Variants in STRIP1 observed in about 807,000 individuals in gnomAD.
The protein encoded by STRIP1 is striatin-interacting protein 1.
STRIP1 carries 63 observed loss-of-function variants against 106.2 expected under a neutral mutation model. The ratio of observed to expected loss-of-function variants is 0.59; its 90% confidence interval spans 0.48 to 0.73. The LOEUF (loss-of-function observed/expected upper bound fraction) is 0.73. Among genes scored for constraint, STRIP1 ranks in the 30% least tolerant of loss-of-function variants. STRIP1 has a pLI of 0.00. For synonymous variants in STRIP1, 390 were observed against 413.0 expected (o/e 0.94, Z 0.67); for missense variants, 857 against 1,074.8 (o/e 0.80, Z 2.83).
intron 17 of STRIP1, 191 bp downstream of exon 17, chr1:110,049,751 T>G (rs531613313): frequency 1.4e-5 from 8 of 560,994 alleles, no homozygotes; most frequent in Non-Finnish European, 2.5e-5. Context: ...GTCTAGCTAG[T>G]CCTGCCCCAG....
rs112456881 is a variant in STRIP1, at chr1:110,043,821, T to C, written c.1251T>C (p.Thr417=). The part of the protein sequence containing the change: ...PLQHPQTDRL[T]CPKGLPWAPK... ...AGCACCCACAGACTGACAGGCTGAC[T>C]TGCCCCAAAGGGCTCCCGTGGGCTC... Residue 417 remains threonine, a synonymous_variant, in exon 10 of 21, where the codon ACT becomes ACC. Coordinates refer to ENST00000369795, the MANE Select transcript of STRIP1 (RefSeq NM_033088.4). 8,741 of 1,614,108 alleles carry C rather than the reference T, an allele frequency of 5.4e-3. 33 individuals carry two copies. The highest frequency in any genetic ancestry group is 6.9e-3 in the Non-Finnish European group (8,101 of 1,180,018).
rs1241486915 is a variant in STRIP1, at chr1:110,049,689, G to T, written c.1889+129G>T. The T allele has an allele frequency of 6.2e-6, 4 of 648,686 alleles. No homozygotes were observed. The East Asian group carries it at 8.2e-5, about 13-fold the overall frequency. 40.2% of individuals were successfully genotyped at this position (648,686 alleles called of 1,614,324 possible). ...ACTGTGCTAGGCATCAAGACATAAA[G>T]ATAAATGAGACATGGCCTCTGCCTG... On this transcript the variant is annotated intron_variant, in intron 17 of 20. Coordinates refer to ENST00000369795, the MANE Select transcript of STRIP1 (RefSeq NM_033088.4).
intron 5 of STRIP1, among the ~76,000 whole-genome samples, chr1:110,040,105 G>C (rs777432898): frequency 2.6e-5 from 4 of 152,218 alleles, no homozygotes; most frequent in Non-Finnish European, 5.9e-5. Context: ...AAACTAAGGC[G>C]CAGTTAGAGC....
chr1:110,040,585 A>T, intron 5 of STRIP1, 50 bp from the exon 6 acceptor site: 3 of 1,550,814 alleles, frequency 1.9e-6, no homozygotes. Flanking sequence ...CAGGGACATC[A>T]CTTATCTTCC....
At chr1:110,039,557 G>T in intron 5 of STRIP1, 42 bp downstream of exon 5, 2 of 1,569,736 alleles carry the variant, frequency 1.3e-6, no homozygotes, top group South Asian at 1.2e-5. Flanking sequence ...GGGAGGCTGG[G>T]ATGGGAAGGG....
chr1:110,044,975 T>G, intron 11 of STRIP1, 40 bp from the exon 12 acceptor site: 1 of 1,613,774 alleles, frequency 6.2e-7, no homozygotes, highest in Middle Eastern at 1.7e-4. Flanking sequence ...CCAGGTGATT[T>G]GATGTCGAGG....
At chr1:110,050,064 C>G in intron 17 of STRIP1, 1 of 461,142 alleles carries the variant, frequency 2.2e-6, no homozygotes, top group Non-Finnish European at 3.9e-6. Flanking sequence ...TCTCCTCCCC[C>G]GCCCCACATT....
upstream of STRIP1, among the ~76,000 whole-genome samples, chr1:110,033,224 A>C (rs1652274766): frequency 1.3e-5 from 2 of 150,874 alleles, no homozygotes; most frequent in African/African-American, 2.4e-5. Flanking sequence ...GCCTCCACCA[A>C]CCCCTGCCCC....
Position 110,051,668 on chromosome 1 carries a change from T to C in STRIP1, c.2062-15T>C. On this transcript the variant is annotated splice_polypyrimidine_tract_variant and intron_variant, in intron 19 of 20. Transcript: ENST00000369795. ...TTGTCTTCAACTTGGGCTGCTTGCT[T>C]GTTTCCCTTCCCAGATGCTGGTGGT... 1 of 1,587,854 alleles carries C rather than the reference T, an allele frequency of 6.3e-7. No homozygotes were observed. The highest frequency in any genetic ancestry group is 2.0e-4 in the Middle Eastern group (1 of 4,994).
At position 110,045,030 on chromosome 1, in the gene STRIP1, G is replaced by A; in HGVS notation, c.1368G>A (p.Val456=). 6.2e-7 allele frequency: 1 copy of A among 1,614,140 alleles called. No homozygotes were observed. The highest frequency in any genetic ancestry group is 1.1e-5 in the South Asian group (1 of 91,076). The change falls in exon 12 of 21, where the codon GTG becomes GTA. Residue 456 remains valine, a synonymous_variant. Transcript: ENST00000369795. ...GYTLGSDTNT[V]VGLPRPIHES... is the part of the protein sequence containing the mutation. ...TATTCTCCAGTGACACGAACACAGT[G>A]GTGGGGCTGCCCAGGCCAATCCACG...
At position 110,041,877 on chromosome 1, in the gene STRIP1, G is replaced by A; in HGVS notation, c.885+16G>A. The A allele has an allele frequency of 1.2e-6, 2 of 1,613,602 alleles. No homozygotes were observed. The highest frequency in any genetic ancestry group is 2.2e-5 in the East Asian group (1 of 44,886). The stretch of plus-strand genomic sequence containing the variant: ...GACAGTATTGGTGAGCACCTCCTTG[G>A]AGGAGGAGAACGGTGCTATGGGATG... On this transcript the variant is annotated intron_variant, in intron 8 of 20. Coordinates refer to ENST00000369795, the MANE Select transcript of STRIP1 (RefSeq NM_033088.4).
chr1:110,053,554 G>C lies in STRIP1; in HGVS notation c.2267-111G>C. 2.8e-6 allele frequency: 4 copies of C among 1,446,608 alleles called. No homozygotes were observed. The East Asian group carries it at 9.1e-5, about 33-fold the overall frequency. 89.6% of individuals were successfully genotyped at this position (1,446,608 alleles called of 1,614,324 possible). ...ATTCCTGGCATCTTTCTGAGGATGA[G>C]CTCGGAGGTATCCTGCTCTTAGTTG... On this transcript the variant is annotated intron_variant, in intron 20 of 20. Coordinates refer to ENST00000369795, the MANE Select transcript of STRIP1 (RefSeq NM_033088.4).
In STRIP1 at chr1:110,047,876, A is replaced by C. The variant is rs1653105019; in HGVS notation, c.1661+7A>C. The C allele has an allele frequency of 6.4e-7, 1 of 1,553,274 alleles. No homozygotes were observed. Among genetic ancestry groups the C allele is most frequent in the African/African-American group, 1.4e-5 (1 of 73,286 alleles). On this transcript the variant is annotated splice_region_variant and intron_variant, in intron 15 of 20. Transcript: ENST00000369795. Reference sequence around the variant, plus strand: ...TCTTGCCTGAGGAGATGCCGTGAGTATCATTCTGTGAATGAAGCAGGTGGG... The same window carrying C: ...TCTTGCCTGAGGAGATGCCGTGAGTCTCATTCTGTGAATGAAGCAGGTGGG...
intron 19 of STRIP1, 70 bp downstream of exon 19, chr1:110,051,130 C>A: frequency 9.6e-7 from 1 of 1,041,710 alleles, no homozygotes; most frequent in Admixed American, 1.7e-5. Flanking sequence ...AGCAGGGAGT[C>A]CCCAGGGTGG....
chr1:110,049,438 T>G lies in STRIP1; in HGVS notation c.1789-22T>G, dbSNP rs1443023938. On this transcript the variant is annotated intron_variant, in intron 16 of 20. Coordinates refer to ENST00000369795, the MANE Select transcript of STRIP1 (RefSeq NM_033088.4). ...CCAAGGGCCGCGCCTTTTTTTTTTTTTTTTTTTCCTGTTGGCTTCAGTTTG... is the reference window on the plus strand; with the variant it reads ...CCAAGGGCCGCGCCTTTTTTTTTTTGTTTTTTTCCTGTTGGCTTCAGTTTG... 14 of 1,561,488 alleles carry G rather than the reference T, an allele frequency of 9.0e-6. 1 individual carries two copies. The highest frequency in any genetic ancestry group is 1.1e-5 in the Non-Finnish European group (13 of 1,159,422).
chr1:110,047,416 T>A, intron 13 of STRIP1, 126 bp from the exon 14 acceptor site: 1 of 705,482 alleles, frequency 1.4e-6, no homozygotes, highest in South Asian at 1.7e-5. Flanking sequence ...CAGGGTTTGC[T>A]GTTATCATCA....
chr1:110,040,799 T>TACAGAAGCACACACA, intron 6 of STRIP1, 96 bp downstream of exon 6: 7 of 1,051,254 alleles, frequency 6.7e-6, no homozygotes, highest in Non-Finnish European at 9.7e-6. Flanking sequence ...TTGCTGTGTG[T>TACAGAAGCACACACA]GCTTCTGTAC....
upstream of STRIP1, among the ~76,000 whole-genome samples, chr1:110,032,356 C>A (rs1179174183): frequency 6.6e-6 from 1 of 152,128 alleles, no homozygotes; most frequent in Non-Finnish European, 1.5e-5. Flanking sequence ...CTAGGTTGGA[C>A]CTCAGGGGAA....
At chr1:110,044,812 C>G in intron 10 of STRIP1, 28 bp from the exon 11 acceptor site, 1 of 1,610,188 alleles carries the variant, frequency 6.2e-7, no homozygotes, top group Non-Finnish European at 8.5e-7. Context: ...AACCTTTTTT[C>G]TTTCTCTCTT....
Sources: allele counts gnomAD v4.1 joint callset (sites outside exome capture counted in the v4.1 genomes callset), GRCh38; gene constraint gnomAD v4.1.1; transcripts MANE v1.5; gene names NCBI Gene and HGNC (gene_info 2026-07-23, HGNC 2026-07-21).